Variants in CLSTN2 observed in about 807,000 individuals in gnomAD.
The protein encoded by CLSTN2 is calsyntenin 2.
Under a neutral mutation model 101.2 loss-of-function variants are expected in CLSTN2, and 48 were observed. The observed-to-expected ratio is 0.47, with a 90% CI of 0.38 to 0.60. CLSTN2 has a LOEUF of 0.60. Among genes scored for constraint, CLSTN2 ranks in the 20% least tolerant of loss-of-function variants. CLSTN2 has a pLI of 0.00. For synonymous variants in CLSTN2, 481 were observed against 463.6 expected, an observed-to-expected ratio of 1.04 and a Z score of -0.48; for missense variants, 1,160 against 1,238.2, an observed-to-expected ratio of 0.94 and a Z score of 0.95.
At chr3:140,415,511 C>CAAAAAAAAAAAAAAAAAAAAAAAAAA (rs1266768081) in intron 4 of CLSTN2, among the ~76,000 whole-genome samples, 1 of 66,322 alleles carries the variant, frequency 1.5e-5, no homozygotes, top group African/African-American at 5.4e-5. Flanking sequence ...AAAAAAAAAA[C>CAAAAAAAAAAAAAAAAAAAAAAAAAA]AAACTGATTT....
At chr3:140,187,525 A>G (rs2010501329) in intron 2 of CLSTN2, among the ~76,000 whole-genome samples, 1 of 152,180 alleles carries the variant, frequency 6.6e-6, no homozygotes, top group African/African-American at 2.4e-5. Flanking sequence ...ATAATCTCAT[A>G]GTCTTTCCTT....
chr3:140,563,354 A>G, intron 15 of CLSTN2, 151 bp downstream of exon 15: 1 of 782,520 alleles, frequency 1.3e-6, no homozygotes, highest in Non-Finnish European at 2.0e-6. Flanking sequence ...CCTGGCTTTG[A>G]GATACTCACA....
intron 4 of CLSTN2, among the ~76,000 whole-genome samples, chr3:140,415,601 G>A (rs756626730): frequency 6.0e-5 from 9 of 150,332 alleles, no homozygotes; most frequent in Non-Finnish European, 1.2e-4. Flanking sequence ...ACAAAAAGAT[G>A]TTCAATGTCA....
At chr3:140,373,154 T>C (rs2087877425) in intron 2 of CLSTN2, among the ~76,000 whole-genome samples, 1 of 152,216 alleles carries the variant, frequency 6.6e-6, no homozygotes, top group Non-Finnish European at 1.5e-5. Context: ...ACTCGGTATT[T>C]TCCAAAGATA....
chr3:140,500,593 G>A (rs796370457), intron 8 of CLSTN2, among the ~76,000 whole-genome samples: 2 of 152,292 alleles, frequency 1.3e-5, no homozygotes, highest in African/African-American at 4.8e-5. Context: ...TGGTTTTCGT[G>A]TTTGCTCAGT....
At chr3:140,317,520 A>G (rs192218559) in intron 2 of CLSTN2, among the ~76,000 whole-genome samples, 325 of 152,246 alleles carry the variant, frequency 2.1e-3, no homozygotes, top group African/African-American at 7.6e-3. Context: ...CAGGACCCCA[A>G]TTCCAGTGTG....
chr3:140,317,293 G>T (rs533439593), intron 2 of CLSTN2, among the ~76,000 whole-genome samples: 11 of 152,080 alleles, frequency 7.2e-5, no homozygotes, highest in Non-Finnish European at 1.3e-4. Flanking sequence ...CTCTTCTCGG[G>T]GAGCTCATTT....
At chr3:140,156,760 C>A (rs2009960655) in intron 1 of CLSTN2, among the ~76,000 whole-genome samples, 1 of 152,214 alleles carries the variant, frequency 6.6e-6, no homozygotes, top group Non-Finnish European at 1.5e-5. Context: ...GTCTAGGACA[C>A]TTTTCTCACA....
intron 1 of CLSTN2, among the ~76,000 whole-genome samples, chr3:140,173,731 GC>G (rs1311438392): frequency 6.6e-6 from 1 of 152,226 alleles, no homozygotes; most frequent in Non-Finnish European, 1.5e-5. Context: ...CCATGTGGAA[GC>G]CACCAAGACT....
At chr3:140,383,054 G>A (rs1221026951) in intron 2 of CLSTN2, among the ~76,000 whole-genome samples, 1 of 152,162 alleles carries the variant, frequency 6.6e-6, no homozygotes, top group Non-Finnish European at 1.5e-5. Context: ...ACCAGAAGAT[G>A]ATATTTTTTG....
chr3:140,420,200 G>A (rs2088485161), intron 4 of CLSTN2, among the ~76,000 whole-genome samples: 1 of 150,376 alleles, frequency 6.6e-6, no homozygotes, highest in Admixed American at 6.6e-5. Context: ...AGCCTATTTT[G>A]TTCATTTGTT....
At chr3:140,409,342 C>G (rs908123813) in intron 4 of CLSTN2, among the ~76,000 whole-genome samples, 7 of 152,238 alleles carry the variant, frequency 4.6e-5, no homozygotes, top group Admixed American at 2.6e-4. Flanking sequence ...AGTATACCTA[C>G]AGTCCTGTCA....
At chr3:140,478,892 A>AAGGAAGGAAGGG (rs1934052538) in intron 8 of CLSTN2, among the ~76,000 whole-genome samples, 1 of 150,634 alleles carries the variant, frequency 6.6e-6, no homozygotes, top group Non-Finnish European at 1.5e-5. Flanking sequence ...GGAAGGAAGG[A>AAGGAAGGAAGGG]AGGAAGGAAG....
At chr3:140,068,725 C>G (rs1390022652) in intron 1 of CLSTN2, among the ~76,000 whole-genome samples, 2 of 152,148 alleles carry the variant, frequency 1.3e-5, no homozygotes, top group Non-Finnish European at 2.9e-5. Flanking sequence ...AGGCCAATTC[C>G]TAATAAGAAG....
intron 10 of CLSTN2, among the ~76,000 whole-genome samples, chr3:140,556,106 G>GAGCA (rs1935785617): frequency 6.6e-6 from 1 of 152,186 alleles, no homozygotes; most frequent in Non-Finnish European, 1.5e-5. Context: ...TGAATTTGGG[G>GAGCA]AGCAGTTCAA....
chr3:139,963,710 C>T (rs1935548328), intron 1 of CLSTN2, among the ~76,000 whole-genome samples: 1 of 152,240 alleles, frequency 6.6e-6, no homozygotes, highest in South Asian at 2.1e-4. Context: ...TGCCGACTGT[C>T]AGTTTCATGT....
At chr3:140,281,594 C>T (rs1421262819) in intron 2 of CLSTN2, among the ~76,000 whole-genome samples, 1 of 152,136 alleles carries the variant, frequency 6.6e-6, no homozygotes, top group Non-Finnish European at 1.5e-5. Context: ...TTTCCAGGAT[C>T]TCATTCATAG....
chr3:140,367,511 C>CAAAAAAAAAA (rs34398474), intron 2 of CLSTN2, among the ~76,000 whole-genome samples: 1 of 96,836 alleles, frequency 1.0e-5, no homozygotes, highest in Non-Finnish European at 2.0e-5. Flanking sequence ...CACTTTGTCT[C>CAAAAAAAAAA]AAAAAAAAAA....
intron 8 of CLSTN2, among the ~76,000 whole-genome samples, chr3:140,476,659 T>C (rs1933991107): frequency 1.7e-5 from 2 of 115,890 alleles, no homozygotes. Context: ...AGCATCTTTT[T>C]TTTTTTTTTT....
Sources: allele counts gnomAD v4.1 joint callset (sites outside exome capture counted in the v4.1 genomes callset), GRCh38; gene constraint gnomAD v4.1.1; transcripts MANE v1.5; gene names NCBI Gene and HGNC (gene_info 2026-07-23, HGNC 2026-07-21).